PXDNL: variants seen among roughly 807,000 people sequenced by gnomAD.
PXDNL encodes the protein peroxidasin like.
In PXDNL, 145 loss-of-function variants were observed where a neutral mutation model predicts 150.8. The observed-to-expected ratio is 0.96, with a 90% CI of 0.84 to 1.10. The LOEUF is 1.10. Among genes scored for constraint, PXDNL ranks in the 50% least tolerant of loss-of-function variants. The pLI is 0.00. For synonymous variants in PXDNL, 757 were observed against 725.7 expected (o/e 1.04, Z -0.69); for missense variants, 2,087 against 1,873.9 (o/e 1.11, Z -2.10).
intron 3 of PXDNL, among the ~76,000 whole-genome samples, chr8:51,571,127 C>T (rs1226425482): frequency 6.6e-6 from 1 of 151,066 alleles, no homozygotes; most frequent in Non-Finnish European, 1.5e-5. Flanking sequence ...AAGCCAATGA[C>T]AGTAAAATTC....
chr8:51,344,229 C>T (rs1473861928), intron 20 of PXDNL, among the ~76,000 whole-genome samples: 1 of 151,992 alleles, frequency 6.6e-6, no homozygotes, highest in Non-Finnish European at 1.5e-5. Context: ...CTCAGCCTCC[C>T]TAGTAGCAGG....
intron 5 of PXDNL, among the ~76,000 whole-genome samples, chr8:51,496,398 CT>C (rs1236688977): frequency 1.3e-5 from 2 of 152,146 alleles, no homozygotes; most frequent in African/African-American, 2.4e-5. Flanking sequence ...CTCACCACTC[CT>C]ATTCAACATA....
intron 2 of PXDNL, among the ~76,000 whole-genome samples, chr8:51,600,616 A>G (rs936379720): frequency 2.9e-5 from 4 of 136,874 alleles, no homozygotes; most frequent in African/African-American, 1.1e-4. Context: ...TAGATAATAA[A>G]TTATATCTTA....
At chr8:51,744,532 T>C (rs1261433302) in intron 1 of PXDNL, among the ~76,000 whole-genome samples, 4 of 146,468 alleles carry the variant, frequency 2.7e-5, no homozygotes, top group East Asian at 2.0e-4. Flanking sequence ...AAAAATTAGC[T>C]GGGCGTGGTG....
intron 1 of PXDNL, among the ~76,000 whole-genome samples, chr8:51,667,240 C>G (rs1815404001): frequency 6.6e-6 from 1 of 152,156 alleles, no homozygotes; most frequent in African/African-American, 2.4e-5. Context: ...TCTGTAAGTG[C>G]CCCGACAGCC....
chr8:51,500,529 A>C (rs1285268370), intron 4 of PXDNL, among the ~76,000 whole-genome samples: 2 of 152,244 alleles, frequency 1.3e-5, no homozygotes, highest in African/African-American at 4.8e-5. Flanking sequence ...CCCAACAGAC[A>C]GAAAGATCCA....
intron 8 of PXDNL, 83 bp from the exon 9 acceptor site, chr8:51,457,750 A>ATAGC: frequency 1.1e-6 from 1 of 950,386 alleles, no homozygotes. Flanking sequence ...ATAGTACTAT[A>ATAGC]TAGCTATGTT....
chr8:51,506,875 C>T (rs1811306763), intron 4 of PXDNL, among the ~76,000 whole-genome samples: 1 of 152,186 alleles, frequency 6.6e-6, no homozygotes, highest in African/African-American at 2.4e-5. Flanking sequence ...TTTCCCCTCC[C>T]TCATAAGTCT....
At chr8:51,785,652 A>T (rs939970648) in intron 1 of PXDNL, among the ~76,000 whole-genome samples, 5 of 152,218 alleles carry the variant, frequency 3.3e-5, no homozygotes, top group African/African-American at 4.8e-5. Flanking sequence ...GGGGACCACG[A>T]ACCACAGCCA....
Position 51,435,984 on chromosome 8 carries a change from C to T in PXDNL, c.1526-9226G>A. ...TGAAGCTAAGAAAAAAACAGGATCT[C>T]TTTATGTAGCTTTCAAATTCACCTC... On this transcript the variant is annotated intron_variant, in intron 12 of 22. Coordinates refer to ENST00000356297, the MANE Select transcript of PXDNL (RefSeq NM_144651.5). 5.7e-6 allele frequency: 3 copies of T among 523,378 alleles called. No individual in the cohort carries two copies. The Admixed American group carries it at 6.2e-5, about 11-fold the overall frequency. The allele number at this position is 523,378 out of a possible 1,614,324, so 32.4% of individuals were successfully genotyped here.
At chr8:51,766,632 T>C (rs1175091067) in intron 1 of PXDNL, among the ~76,000 whole-genome samples, 3 of 152,206 alleles carry the variant, frequency 2.0e-5, no homozygotes, top group East Asian at 1.9e-4. Context: ...AGTCATTTTC[T>C]TTCTACGCTT....
At chr8:51,440,863 G>A (rs1009311055) in intron 12 of PXDNL, among the ~76,000 whole-genome samples, 1 of 152,166 alleles carries the variant, frequency 6.6e-6, no homozygotes, top group Non-Finnish European at 1.5e-5. Flanking sequence ...GAGGTGCAGA[G>A]GGCCAGCAGG....
rs151296179 is a variant in PXDNL, at chr8:51,650,332, G to C, written c.236+4357C>G. ...TATTTACTAATTGGAAGTTTCCTTT[G>C]ATCTGCCCTGACTCTTCTCACTCAC... On this transcript the variant is annotated intron_variant, in intron 2 of 22. Transcript: ENST00000356297. Among the ~76,000 whole-genome samples the C allele has an allele frequency of 2.6e-5, 4 of 152,116 alleles. No homozygotes were observed. The East Asian group carries it at 7.7e-4, about 29-fold the overall frequency.
chr8:51,775,049 T>G (rs1004871326), intron 1 of PXDNL, among the ~76,000 whole-genome samples: 1 of 152,206 alleles, frequency 6.6e-6, no homozygotes, highest in Non-Finnish European at 1.5e-5. Context: ...AAATTAAATA[T>G]GTACCTAAGT....
intron 19 of PXDNL, among the ~76,000 whole-genome samples, chr8:51,360,115 T>C (rs1806671916): frequency 6.7e-6 from 1 of 149,616 alleles, no homozygotes; most frequent in African/African-American, 2.5e-5. Context: ...CACCTATACA[T>C]GTGTACACTT....
intron 2 of PXDNL, among the ~76,000 whole-genome samples, chr8:51,644,017 G>A (rs1345099482): frequency 6.6e-6 from 1 of 151,560 alleles, no homozygotes; most frequent in African/African-American, 2.4e-5. Flanking sequence ...ATGGTGGCAG[G>A]CACCTGTAGT....
chr8:51,783,451 T>C (rs933086357), intron 1 of PXDNL, among the ~76,000 whole-genome samples: 1 of 152,216 alleles, frequency 6.6e-6, no homozygotes, highest in Non-Finnish European at 1.5e-5. Context: ...TTATCCCAGC[T>C]AGATGCTTTT....
chr8:51,600,012 C>T (rs1342776011), intron 2 of PXDNL, among the ~76,000 whole-genome samples: 1 of 84,674 alleles, frequency 1.2e-5, no homozygotes, highest in African/African-American at 5.0e-5. Context: ...TAAATGACAT[C>T]GTTTAGATAA....
At position 51,319,743 on chromosome 8, in the gene PXDNL, C is replaced by G; in HGVS notation, c.*148G>C. On this transcript the variant is annotated 3_prime_UTR_variant, in exon 23 of 23. Transcript: ENST00000356297. ...GTTAGAAAATGAAAAAATAAAAGAT[C>G]GTAAGTATATGTAAGATTAGATGAA... The G allele has an allele frequency of 1.9e-6, 1 of 538,420 alleles. No individual in the cohort carries two copies. The highest frequency in any genetic ancestry group is 2.9e-6 in the Non-Finnish European group (1 of 346,162). The allele number at this position is 538,420 out of a possible 1,614,324, so 33.4% of individuals were successfully genotyped here.
Sources: gnomAD v4.1 joint callset for allele counts (sites outside exome capture counted in the v4.1 genomes callset) on GRCh38, gnomAD v4.1.1 for gene constraint, MANE v1.5 for transcripts, NCBI Gene and HGNC (gene_info 2026-07-23, HGNC 2026-07-21) for gene names.